SLC2A13: variants seen among roughly 807,000 people sequenced by gnomAD.
SLC2A13 encodes the protein proton myo-inositol cotransporter.
Under a neutral mutation model 64.4 loss-of-function variants are expected in SLC2A13, and 32 were observed. That is an observed-to-expected ratio of 0.50 (90% confidence interval 0.37 to 0.67). The LOEUF (loss-of-function observed/expected upper bound fraction) is 0.67, where lower values mean the gene tolerates loss of function less well. Ranked by LOEUF, SLC2A13 falls within the 30% of genes least tolerant of loss-of-function variation. The probability of loss-of-function intolerance (pLI) is 0.00; values close to 1 mark genes in which losing one functional copy is unlikely to be tolerated. For synonymous variants in SLC2A13, 338 were observed against 327.1 expected, an observed-to-expected ratio of 1.03 and a Z score of -0.36; for missense variants, 743 against 829.2, an observed-to-expected ratio of 0.90 and a Z score of 1.28.
At chr12:39,991,889 C>T (rs2136167828) in intron 3 of SLC2A13, among the ~76,000 whole-genome samples, 1 of 152,206 alleles carries the variant, frequency 6.6e-6, no homozygotes, top group Admixed American at 6.5e-5. Flanking sequence ...ACCCATCCTG[C>T]CCTTATAGCT....
chr12:39,872,089 C>T (rs1944071685), intron 4 of SLC2A13, 128 bp from the exon 5 acceptor site: 1 of 657,838 alleles, frequency 1.5e-6, no homozygotes, highest in Non-Finnish European at 2.3e-6. Context: ...ATCAAATTAA[C>T]GTGGGAATTC....
intron 1 of SLC2A13, among the ~76,000 whole-genome samples, chr12:40,097,792 G>A (rs922088379): frequency 6.6e-6 from 1 of 152,100 alleles, no homozygotes; most frequent in Admixed American, 6.5e-5. Flanking sequence ...GTAAAATGCA[G>A]CCACTATGGA....
At chr12:40,041,575 C>T (rs1332308973) in intron 2 of SLC2A13, among the ~76,000 whole-genome samples, 1 of 152,224 alleles carries the variant, frequency 6.6e-6, no homozygotes, top group Non-Finnish European at 1.5e-5. Flanking sequence ...GGCTTCAGGA[C>T]AGGAGGAGCA....
At chr12:39,762,908 A>G (rs1421481655) in intron 9 of SLC2A13, among the ~76,000 whole-genome samples, 1 of 81,862 alleles carries the variant, frequency 1.2e-5, no homozygotes, top group Non-Finnish European at 2.4e-5. Flanking sequence ...AAATTTCATT[A>G]CTGTTGCCTC....
At chr12:40,047,971 T>G in intron 2 of SLC2A13, 80 bp downstream of exon 2, 4 of 1,356,100 alleles carry the variant, frequency 2.9e-6, no homozygotes, top group Non-Finnish European at 4.0e-6. Flanking sequence ...ACAGCTATAT[T>G]TTGACTATGA....
intron 1 of SLC2A13, among the ~76,000 whole-genome samples, chr12:40,083,210 G>A (rs902372022): frequency 6.6e-6 from 1 of 152,098 alleles, no homozygotes; most frequent in African/African-American, 2.4e-5. Flanking sequence ...TTAGGGGTGA[G>A]CTCAGGACTT....
At chr12:39,815,219 A>C (rs1942306825) in intron 7 of SLC2A13, among the ~76,000 whole-genome samples, 1 of 152,224 alleles carries the variant, frequency 6.6e-6, no homozygotes, top group South Asian at 2.1e-4. Flanking sequence ...TCTGAAAGAA[A>C]CTTCCTGAAT....
chr12:39,777,765 A>G (rs1046113466), intron 7 of SLC2A13, among the ~76,000 whole-genome samples: 1 of 152,226 alleles, frequency 6.6e-6, no homozygotes. Flanking sequence ...GCAGAATGAC[A>G]TGGAGTTTGG....
rs1021844777 is a variant in SLC2A13 at position 39,930,495 on chromosome 12, C to G, written c.1034+20762G>C. ...TGTGGGGGAGCAGTGTTGGAAGAAG[C>G]ATTTCATCTTCCATAATGAAAAGTC... is the stretch of plus-strand genomic sequence containing the variant. On this transcript the variant is annotated intron_variant, in intron 4 of 9. Coordinates refer to ENST00000280871, the MANE Select transcript of SLC2A13 (RefSeq NM_052885.4). Among the ~76,000 whole-genome samples the G allele has an allele frequency of 2.1e-4, 32 of 152,068 alleles. 1 individual carries two copies. Among genetic ancestry groups the G allele is most frequent in the South Asian group, 4.1e-4 (2 of 4,822 alleles).
At chr12:40,028,569 C>T in intron 2 of SLC2A13, 60 bp from the exon 3 acceptor site, 1 of 1,535,720 alleles carries the variant, frequency 6.5e-7, no homozygotes, top group East Asian at 2.3e-5. Context: ...ATGTGCTCAC[C>T]ACATACTTTT....
chr12:39,979,623 A>C (rs1591973948), intron 3 of SLC2A13, among the ~76,000 whole-genome samples: 1 of 130,534 alleles, frequency 7.7e-6, no homozygotes, highest in South Asian at 2.8e-4. Flanking sequence ...AGTTTAGAGA[A>C]AAAAGAATAA....
intron 2 of SLC2A13, among the ~76,000 whole-genome samples, chr12:40,042,740 C>T (rs1310272718): frequency 6.6e-6 from 1 of 151,946 alleles, no homozygotes; most frequent in East Asian, 1.9e-4. Context: ...CAATGACATT[C>T]AGGAGTTCCA....
chr12:39,845,919 C>T (rs865822224), intron 6 of SLC2A13, among the ~76,000 whole-genome samples: 1 of 152,046 alleles, frequency 6.6e-6, no homozygotes, highest in Non-Finnish European at 1.5e-5. Flanking sequence ...AAGGAGGAGG[C>T]TTAGAAAAGA....
At chr12:39,923,051 A>G (rs1945642964) in intron 4 of SLC2A13, among the ~76,000 whole-genome samples, 1 of 152,216 alleles carries the variant, frequency 6.6e-6, no homozygotes, top group Admixed American at 6.5e-5. Context: ...AATTATTTAC[A>G]GTAGATAAAT....
At chr12:40,079,553 G>A (rs779445482) in intron 1 of SLC2A13, among the ~76,000 whole-genome samples, 5 of 152,198 alleles carry the variant, frequency 3.3e-5, no homozygotes, top group African/African-American at 4.8e-5. Context: ...TATGTGCCAT[G>A]TGCAGGTGAG....
In SLC2A13 at chr12:39,810,338, A is replaced by C. The variant is rs2135803621; in HGVS notation, c.1445+19765T>G. ...AATATTTCATTTGCCAATTGTTAGT[A>C]ATAGAAATAAAATATATTTTTCTAC... On this transcript the variant is annotated intron_variant, in intron 7 of 9. Transcript: ENST00000280871. Among the ~76,000 whole-genome samples, 3 of 152,326 alleles carry C rather than the reference A, an allele frequency of 2.0e-5. No individual in the cohort carries two copies. In the South Asian group the frequency reaches 6.2e-4, roughly 32 times the overall value.
chr12:40,085,376 G>A (rs1451137791), intron 1 of SLC2A13, among the ~76,000 whole-genome samples: 1 of 152,192 alleles, frequency 6.6e-6, no homozygotes, highest in African/African-American at 2.4e-5. Flanking sequence ...TTTGCAACCG[G>A]TGTCTGAAGG....
intron 3 of SLC2A13, among the ~76,000 whole-genome samples, chr12:40,027,411 T>C (rs577662662): frequency 2.6e-5 from 4 of 152,202 alleles, no homozygotes; most frequent in East Asian, 3.9e-4. Context: ...ATGCTACAGG[T>C]AGGTAAAGTT....
intron 3 of SLC2A13, among the ~76,000 whole-genome samples, chr12:39,960,780 C>T (rs1208433404): frequency 8.4e-6 from 1 of 118,778 alleles, no homozygotes; most frequent in East Asian, 2.6e-4. Context: ...CAGAGTCTTA[C>T]TGTGTCACCC....
Sources: allele counts gnomAD v4.1 joint callset (sites outside exome capture counted in the v4.1 genomes callset), GRCh38; gene constraint gnomAD v4.1.1; transcripts MANE v1.5; gene names NCBI Gene and HGNC (gene_info 2026-07-23, HGNC 2026-07-21).